CACNA2D3: variants seen among roughly 807,000 people sequenced by gnomAD.
CACNA2D3 encodes the protein calcium voltage-gated channel auxiliary subunit alpha2delta 3.
In CACNA2D3, 60 loss-of-function variants were observed where a neutral mutation model predicts 160.6. That is an observed-to-expected ratio of 0.37 (90% CI 0.30 to 0.46). The LOEUF is 0.46. CACNA2D3 is among the 20% of genes least tolerant of loss of function. CACNA2D3 has a pLI of 1.00. For synonymous variants in CACNA2D3, 558 were observed against 492.9 expected (o/e 1.13, Z -1.75); for missense variants, 1,205 against 1,365.0 (o/e 0.88, Z 1.85).
chr3:54,350,986 G>GTTTTTTTTTTTTTTTTTTTTTTTT (rs796392854), intron 3 of CACNA2D3, among the ~76,000 whole-genome samples: 7 of 65,944 alleles, frequency 1.1e-4, no homozygotes, highest in Non-Finnish European at 2.1e-4. Context: ...TTTTTTGTTT[G>GTTTTTTTTTTTTTTTTTTTTTTTT]TTTTTTTTTT....
intron 4 of CACNA2D3, among the ~76,000 whole-genome samples, chr3:54,388,399 G>A (rs1482044788): frequency 6.6e-6 from 1 of 152,194 alleles, no homozygotes; most frequent in Non-Finnish European, 1.5e-5. Flanking sequence ...AGCTGGGTGA[G>A]GAAGGTTGAA....
intron 2 of CACNA2D3, among the ~76,000 whole-genome samples, chr3:54,292,025 T>A (rs1400475472): frequency 6.6e-6 from 1 of 152,048 alleles, no homozygotes; most frequent in East Asian, 1.9e-4. Context: ...ACAAATCTAG[T>A]CAGTTGATTT....
intron 11 of CACNA2D3, among the ~76,000 whole-genome samples, chr3:54,647,643 G>A (rs754332543): frequency 2.6e-5 from 4 of 152,214 alleles, no homozygotes; most frequent in Non-Finnish European, 5.9e-5. Flanking sequence ...TTGGGGAACA[G>A]ACCAGGGGGG....
chr3:54,312,841 C>A (rs1305437753), intron 2 of CACNA2D3, among the ~76,000 whole-genome samples: 1 of 152,158 alleles, frequency 6.6e-6, no homozygotes, highest in Non-Finnish European at 1.5e-5. Flanking sequence ...TGCGTTCTGC[C>A]TAGACCCCAG....
intron 2 of CACNA2D3, among the ~76,000 whole-genome samples, chr3:54,184,197 G>T (rs1259036746): frequency 6.6e-6 from 1 of 152,220 alleles, no homozygotes; most frequent in Non-Finnish European, 1.5e-5. Flanking sequence ...ATTGGGGAAA[G>T]CTGGAGCCCT....
chr3:54,453,636 A>G (rs1215722565), intron 4 of CACNA2D3, among the ~76,000 whole-genome samples: 1 of 152,194 alleles, frequency 6.6e-6, no homozygotes, highest in African/African-American at 2.4e-5. Flanking sequence ...GCCCAGTCCA[A>G]GGATTCAAAC....
chr3:54,899,098 C>T (rs540096419), intron 26 of CACNA2D3, among the ~76,000 whole-genome samples: 13 of 152,304 alleles, frequency 8.5e-5, no homozygotes, highest in Non-Finnish European at 1.8e-4. Context: ...TCATTGAGCA[C>T]CTTTTAGCAG....
At chr3:54,905,761 C>A (rs1305702556) in intron 27 of CACNA2D3, among the ~76,000 whole-genome samples, 4 of 152,102 alleles carry the variant, frequency 2.6e-5, no homozygotes, top group Admixed American at 1.3e-4. Context: ...ACAGCCTCCA[C>A]AACAAAGAAT....
chr3:54,182,893 A>G (rs1420208520), intron 2 of CACNA2D3, among the ~76,000 whole-genome samples: 2 of 152,222 alleles, frequency 1.3e-5, no homozygotes, highest in Non-Finnish European at 2.9e-5. Flanking sequence ...TCAGTTAACA[A>G]GCAGAGGAAC....
chr3:54,288,511 C>T (rs1703094612), intron 2 of CACNA2D3, among the ~76,000 whole-genome samples: 1 of 152,170 alleles, frequency 6.6e-6, no homozygotes, highest in Non-Finnish European at 1.5e-5. Flanking sequence ...GAGCTGGTAC[C>T]ATTCCTTCTG....
chr3:54,711,585 A>G (rs1700952186), intron 11 of CACNA2D3, among the ~76,000 whole-genome samples: 2 of 152,346 alleles, frequency 1.3e-5, no homozygotes, highest in African/African-American at 4.8e-5. Context: ...TCACATGTTT[A>G]TGCCAGAACC....
intron 35 of CACNA2D3, among the ~76,000 whole-genome samples, chr3:55,060,445 C>T (rs6799990): frequency 0.14 from 21,267 of 152,046 alleles, 2,695 homozygotes; most frequent in Admixed American, 0.28. Context: ...AGGTCTAGCT[C>T]TGTAGAGTTT....
chr3:54,350,579 C>A (rs1698534715), intron 3 of CACNA2D3, among the ~76,000 whole-genome samples: 1 of 152,194 alleles, frequency 6.6e-6, no homozygotes, highest in Non-Finnish European at 1.5e-5. Context: ...TTCACACTTT[C>A]ACATTTTGTG....
chr3:55,071,680 G>A (rs981240789), intron 35 of CACNA2D3, among the ~76,000 whole-genome samples: 1 of 152,098 alleles, frequency 6.6e-6, no homozygotes, highest in Admixed American at 6.5e-5. Flanking sequence ...TTGATGATAG[G>A]AAGTTTTTTA....
At chr3:54,931,124 T>C (rs1701178591) in intron 27 of CACNA2D3, among the ~76,000 whole-genome samples, 1 of 152,098 alleles carries the variant, frequency 6.6e-6, no homozygotes, top group Admixed American at 6.5e-5. Context: ...AAGTGGCATC[T>C]CTTACTAGCA....
At chr3:54,141,336 G>A (rs1475284404) in intron 2 of CACNA2D3, among the ~76,000 whole-genome samples, 1 of 152,138 alleles carries the variant, frequency 6.6e-6, no homozygotes, top group African/African-American at 2.4e-5. Flanking sequence ...AAGGGAAAGT[G>A]TTTCCCATTG....
chr3:54,540,824 T>A (rs1324004417), intron 5 of CACNA2D3, among the ~76,000 whole-genome samples: 2 of 152,132 alleles, frequency 1.3e-5, no homozygotes, highest in Admixed American at 6.5e-5. Flanking sequence ...ATTGTAGGTA[T>A]CCCCACAATC....
At chr3:54,141,990 T>C (rs1209104384) in intron 2 of CACNA2D3, among the ~76,000 whole-genome samples, 1 of 152,234 alleles carries the variant, frequency 6.6e-6, no homozygotes, top group Non-Finnish European at 1.5e-5. Flanking sequence ...GACTAATGCA[T>C]GCAAGTCTCC....
At chr3:55,001,701 T>C (rs1048633558) in intron 31 of CACNA2D3, among the ~76,000 whole-genome samples, 8 of 152,224 alleles carry the variant, frequency 5.3e-5, no homozygotes, top group South Asian at 2.1e-4. Flanking sequence ...TAACAAAGAA[T>C]AAAATCAGTC....
Sources: allele counts gnomAD v4.1 joint callset (sites outside exome capture counted in the v4.1 genomes callset), GRCh38; gene constraint gnomAD v4.1.1; transcripts MANE v1.5; gene names NCBI Gene and HGNC (gene_info 2026-07-23, HGNC 2026-07-21).